HCFC1: variants seen among roughly 807,000 people sequenced by gnomAD.
The protein encoded by HCFC1 is host cell factor C1, also known as host cell factor 1.
In HCFC1, 7 loss-of-function variants were observed where a neutral mutation model predicts 105.5. The ratio of observed to expected loss-of-function variants is 0.07; its 90% confidence interval spans 0.04 to 0.12. The LOEUF (loss-of-function observed/expected upper bound fraction) is 0.12. HCFC1 is among the 10% of genes least tolerant of loss of function. The pLI, the probability that HCFC1 is intolerant of heterozygous loss-of-function variation, is 1.00. For missense variants in HCFC1, 1,065 were observed against 1,823.6 expected (o/e 0.58, Z 7.58); for synonymous variants, 918 against 828.1 (o/e 1.11, Z -1.86).
rs2065524654 is a variant in HCFC1, at chrX:153,970,772, C to T, written c.69G>A (p.Val23=). Residue 23 remains valine, a synonymous_variant, in exon 1 of 26, where the codon GTG becomes GTA. Coordinates refer to ENST00000310441, the MANE Select transcript of HCFC1 (RefSeq NM_005334.3). ...GCCGTGGCACCGGACCCGACCAGCC[C>T]ACCACTCGCTTCCAGCGGGGCTGCA... ...VLLQPRWKRV[V]GWSGPVPRPR... is the part of the protein sequence containing the mutation. The T allele has an allele frequency of 1.7e-6, 2 of 1,201,498 alleles. No individual in the cohort carries two copies. Among genetic ancestry groups the T allele is most frequent in the African/African-American group, 3.5e-5 (2 of 56,516 alleles).
Position 153,970,743 on chromosome X carries a change from C to T in HCFC1, c.98G>A (p.Arg33His), listed in dbSNP as rs201214688. 1 of 1,205,151 alleles carries T rather than the reference C, an allele frequency of 8.3e-7. No individual in the cohort carries two copies. Among genetic ancestry groups the T allele is most frequent in the African/African-American group, 1.8e-5 (1 of 56,794 alleles). ...VGWSGPVPRP[R>H]HGHRAVAIKE... is the part of the protein sequence containing the mutation. ...GATGGCCACGGCGCGGTGGCCGTGG[C>T]GGGGCCGTGGCACCGGACCCGACCA... is the stretch of plus-strand genomic sequence containing the variant. The change falls in exon 1 of 26, where the codon CGC becomes CAC. Residue 33 changes from arginine (R) to histidine (H), a missense_variant. Around this residue, in one of 17 missense-constraint regions of HCFC1, gnomAD observed 38 missense variants for 190.1 expected, o/e 0.20. Transcript: ENST00000310441.
In HCFC1 at chrX:153,950,385, C is replaced by T. The variant is rs1603294161; in HGVS notation, c.5862G>A (p.Gly1954=). The change falls in exon 24 of 26, where the codon GGG becomes GGA. Residue 1954 remains glycine (G), a synonymous_variant. Transcript: ENST00000310441. ...ACTGCACCAGGCAGGAGGGGCTGGG[C>T]CCGCAGTACACCCGCATGAAGGCCA... ...AQLAFMRVYC[G]PSPSCLVQSS... 1.7e-6 allele frequency: 2 copies of T among 1,209,151 alleles called. No individual in the cohort carries two copies. The highest frequency in any genetic ancestry group is 1.8e-5 in the South Asian group (1 of 56,831).
At chrX:153,956,543 C>A (rs901192348) in intron 15 of HCFC1, 82 bp downstream of exon 15, 11 of 1,155,174 alleles carry the variant, frequency 9.5e-6, no homozygotes, top group Non-Finnish European at 1.1e-5. Flanking sequence ...CTGTGCCACC[C>A]AGCTGTGCCA....
intron 24 of HCFC1, 139 bp downstream of exon 24, chrX:153,950,104 G>GA: frequency 1.5e-6 from 1 of 648,149 alleles, no homozygotes; most frequent in South Asian, 3.2e-5. Context: ...GGCCACCCCC[G>GA]TGGGGGGCTG....
chrX:153,953,937 C>T lies in HCFC1; in HGVS notation c.4333+129G>A. The T allele has an allele frequency of 3.2e-6, 3 of 926,289 alleles. No homozygotes were observed. In the African/African-American group the frequency reaches 5.8e-5, roughly 18 times the overall value. 76.3% of individuals were successfully genotyped at this position (926,289 alleles called of 1,213,427 possible). On this transcript the variant is annotated intron_variant, in intron 17 of 25. Transcript: ENST00000310441. ...GTACAGCCAGGACGCCCCAGCTCTC[C>T]CCACTGGTAAATTGGGTGCCAAGGA...
Position 153,971,295 on chromosome X carries a change from G to A in HCFC1, c.-455C>T, listed in dbSNP as rs1176877461. 2 of 299,609 alleles carry A rather than the reference G, an allele frequency of 6.7e-6. No homozygotes were observed. The highest frequency in any genetic ancestry group is 5.8e-6 in the Non-Finnish European group (1 of 171,317). The allele number at this position is 299,609 out of a possible 1,213,427, so 24.7% of individuals were successfully genotyped here. On this transcript the variant is annotated 5_prime_UTR_variant, in exon 1 of 26. Coordinates refer to ENST00000310441, the MANE Select transcript of HCFC1 (RefSeq NM_005334.3). Reference sequence around the variant, plus strand: ...CACTGGCCGGCTTCCGGGGCGGGTGGAAAGGAGCCACAAGCGCCGCGGTCG... The same window carrying A: ...CACTGGCCGGCTTCCGGGGCGGGTGAAAAGGAGCCACAAGCGCCGCGGTCG...
intron 18 of HCFC1, chrX:153,953,220 G>A: frequency 4.5e-6 from 2 of 442,648 alleles, no homozygotes; most frequent in Non-Finnish European, 7.9e-6. Context: ...GCCAGCTCCA[G>A]CCCATGTTAA....
Position 153,958,761 on chromosome X carries a change from A to G in HCFC1, c.1611T>C (p.Ile537=). ...VPTQSAQGTV[I]GSSPQMSGMA... The stretch of plus-strand genomic sequence containing the variant: ...TCCCACTCATCTGTGGGCTACTGCC[A>G]ATCACCTGCAGCAGGCACGGGCATG... Residue 537 remains isoleucine (I), a synonymous_variant, in exon 10 of 26, where the codon ATT becomes ATC. Coordinates refer to ENST00000310441, the MANE Select transcript of HCFC1 (RefSeq NM_005334.3). 5 of 1,159,048 alleles carry G rather than the reference A, an allele frequency of 4.3e-6. No homozygotes were observed. Among genetic ancestry groups the G allele is most frequent in the Non-Finnish European group, 5.8e-6 (5 of 865,747 alleles).
chrX:153,954,007 G>A (rs781965219), intron 17 of HCFC1, 59 bp downstream of exon 17: 20 of 1,127,058 alleles, frequency 1.8e-5, no homozygotes, highest in Non-Finnish European at 2.0e-5. Context: ...TCGTTGTCTT[G>A]GCCTTTCAGC....
At chrX:153,969,387 C>G (rs1405353745) in intron 1 of HCFC1, 2 of 111,094 alleles carry the variant, frequency 1.8e-5, no homozygotes, top group Admixed American at 1.9e-4. Context: ...TGCTGGGAGC[C>G]GTGCCTGCCA....
chrX:153,954,278 C>A lies in HCFC1; in HGVS notation c.4121G>T (p.Gly1374Val). ...AGAAGTGGCGTCGGGAAGCAGGGCACCCACGCTGACCGACATGGTGGTGCC... is the reference window on the plus strand; with the variant it reads ...AGAAGTGGCGTCGGGAAGCAGGGCAACCACGCTGACCGACATGGTGGTGCC... ...STGTTMSVSV[G>V]ALLPDATSSH... The change falls in exon 17 of 26, where the codon GGT (glycine) becomes GTT (valine). Residue 1374 changes from glycine to valine, a missense_variant. Physicochemically the swap from Gly to Val is moderately radical, Grantham distance 109. Around this residue, in one of 17 missense-constraint regions of HCFC1, gnomAD observed 546 missense variants for 599.9 expected, o/e 0.91. Coordinates refer to ENST00000310441, the MANE Select transcript of HCFC1 (RefSeq NM_005334.3). 8.3e-7 allele frequency: 1 copy of A among 1,200,011 alleles called. No homozygotes were observed. The highest frequency in any genetic ancestry group is 1.1e-6 in the Non-Finnish European group (1 of 888,098).
chrX:153,970,588 G>A (rs1055055812), intron 1 of HCFC1, 60 bp downstream of exon 1: 5 of 841,913 alleles, frequency 5.9e-6, no homozygotes, highest in Non-Finnish European at 6.8e-6. Context: ...GGAAAGAGGA[G>A]GGAGAGGGAG....
At position 153,958,127 on chromosome X, in the gene HCFC1, T is replaced by C; in HGVS notation, c.1926A>G (p.Thr642=). 4.1e-6 allele frequency: 5 copies of C among 1,211,668 alleles called. No homozygotes were observed. The highest frequency in any genetic ancestry group is 5.6e-6 in the Non-Finnish European group (5 of 895,045). Residue 642 remains threonine, a synonymous_variant, in exon 11 of 26, where the codon ACA becomes ACG. Coordinates refer to ENST00000310441, the MANE Select transcript of HCFC1 (RefSeq NM_005334.3). ...TCACCACCTGGGCTTGCTGGGCCAC[T>C]GTCACAGTGCCTGACTTGTGCACTG... ...IITVHKSGTV[T]VAQQAQVVTT...
At position 153,971,761 on chromosome X, in the gene HCFC1, G is replaced by A. The variant is rs972598415; in HGVS notation, c.-921C>T. The stretch of plus-strand genomic sequence containing the variant: ...GCCCCGAAGCGGCAACTGTACGGCA[G>A]AAGAAGCGGTAACGGCAGGGCGCTC... On this transcript the variant is annotated 5_prime_UTR_variant, in exon 1 of 26. Coordinates refer to ENST00000310441, the MANE Select transcript of HCFC1 (RefSeq NM_005334.3). The A allele has an allele frequency of 3.0e-5, 9 of 296,826 alleles. No individual in the cohort carries two copies. The highest frequency in any genetic ancestry group is 6.1e-5 in the Admixed American group (1 of 16,485). 24.5% of individuals were successfully genotyped at this position (296,826 alleles called of 1,213,427 possible). A position where few individuals can be genotyped will look rare whatever the true frequency, so the allele number is the denominator to read the frequency against.
Position 153,959,434 on chromosome X carries a change from A to G in HCFC1, c.1502T>C (p.Val501Ala). 8.3e-7 allele frequency: 1 copy of G among 1,211,404 alleles called. No individual in the cohort carries two copies. The highest frequency in any genetic ancestry group is 1.1e-6 in the Non-Finnish European group (1 of 895,210). ...GPQATTGTPL[V>A]TMRPASQAGK... is the part of the protein sequence containing the mutation. ...AGCCTGGCTGGCAGGTCGCATGGTG[A>G]CCAATGGAGTTCCTGTTGTAGCCTG... is the stretch of plus-strand genomic sequence containing the variant. The change falls in exon 9 of 26, where the codon GTC (valine) becomes GCC (alanine). Residue 501 changes from valine (V) to alanine (A), a missense_variant. Physicochemically the swap from Val to Ala is moderately conservative, Grantham distance 64. Coordinates refer to ENST00000310441, the MANE Select transcript of HCFC1 (RefSeq NM_005334.3).
chrX:153,952,445 C>T lies in HCFC1; in HGVS notation c.4942+69G>A, dbSNP rs1217780045. ...CCTCGAGGGAAATGGGCTCCTCTTC[C>T]CAGGCTGTCTCCGCGGCCTATTGCT... On this transcript the variant is annotated intron_variant, in intron 19 of 25. Coordinates refer to ENST00000310441, the MANE Select transcript of HCFC1 (RefSeq NM_005334.3). 6 of 1,053,921 alleles carry T rather than the reference C, an allele frequency of 5.7e-6. No individual in the cohort carries two copies. In the East Asian group the frequency reaches 1.9e-4, roughly 33 times the overall value. 86.9% of individuals were successfully genotyped at this position (1,053,921 alleles called of 1,213,427 possible).
rs782765878 is a variant in HCFC1, at chrX:153,952,947, T to C, written c.4509A>G (p.Glu1503=). The C allele has an allele frequency of 8.5e-7, 1 of 1,172,125 alleles. No homozygotes were observed. Among genetic ancestry groups the C allele is most frequent in the East Asian group, 3.2e-5 (1 of 31,519 alleles). The change falls in exon 19 of 26, where the codon GAA becomes GAG. Residue 1503 remains glutamate (E), a synonymous_variant. Transcript: ENST00000310441. The part of the protein sequence containing the change: ...VPGPSVPPPE[E]LQVSPGPRQQ... ...GGCGAGGACCTGGCGACACCTGGAG[T>C]TCCTCTGGGGGCTGCAGGATGTCAA...
At chrX:153,961,288 G>A (rs987366249) in intron 6 of HCFC1, among the ~76,000 whole-genome samples, 30 of 112,788 alleles carry the variant, frequency 2.7e-4, no homozygotes, top group African/African-American at 9.0e-4. Context: ...AGAACCGGGA[G>A]GAGGGAAGGA....
In HCFC1 at chrX:153,949,541, C is replaced by A. The variant is rs1269660373; in HGVS notation, c.6068+12G>T. ...AGTCTCAGAAGGTTCCCGAGAGGGG[C>A]TTCCTGCTTACATTTCTGGAGAGGA... On this transcript the variant is annotated intron_variant, in intron 25 of 25. Transcript: ENST00000310441. The A allele has an allele frequency of 5.0e-6, 6 of 1,206,701 alleles. No homozygotes were observed. Among genetic ancestry groups the A allele is most frequent in the Non-Finnish European group, 6.7e-6 (6 of 890,705 alleles).
Sources: gnomAD v4.1 joint callset for allele counts (sites outside exome capture counted in the v4.1 genomes callset) on GRCh38, gnomAD v4.1.1 for gene constraint, gnomAD v4.1.1 regional missense constraint, MANE v1.5 for transcripts, NCBI Gene and HGNC (gene_info 2026-07-23, HGNC 2026-07-21) for gene names.